Variants in FRK observed in about 807,000 individuals in gnomAD.
FRK encodes the protein tyrosine-protein kinase FRK.
FRK carries 51 observed loss-of-function variants against 56.4 expected under a neutral mutation model. The observed-to-expected ratio is 0.90, with a 90% CI of 0.72 to 1.14. The LOEUF is 1.14. Among genes scored for constraint, FRK ranks in the 50% most tolerant of loss-of-function variants. The pLI is 0.00. For missense variants in FRK, 570 were observed against 601.4 expected, an observed-to-expected ratio of 0.95 and a Z score of 0.55; for synonymous variants, 245 against 217.9, an observed-to-expected ratio of 1.12 and a Z score of -1.10.
chr6:116,066,671 C>T, the FRK span, among the ~76,000 whole-genome samples: 2 of 152,180 alleles, frequency 1.3e-5, no homozygotes, highest in African/African-American at 4.8e-5. Context: ...CATCTGGCAC[C>T]ACTCTTCTGG....
chr6:116,094,905 A>T, the FRK span, among the ~76,000 whole-genome samples: 1 of 152,242 alleles, frequency 6.6e-6, no homozygotes, highest in South Asian at 2.1e-4. Flanking sequence ...AGAAAGAAAG[A>T]GAGATGGAAG....
chr6:115,944,106 T>G (rs1189818487), intron 6 of FRK, 138 bp downstream of exon 6: 20 of 616,962 alleles, frequency 3.2e-5, no homozygotes, highest in Non-Finnish European at 2.7e-6. Context: ...TTTGTAAGGC[T>G]TTGGACTACT....
Position 116,060,040 on chromosome 6 carries a change from C to G in FRK, c.272G>C (p.Gly91Ala), listed in dbSNP as rs1777561902. 6.2e-7 allele frequency: 1 copy of G among 1,614,060 alleles called. No homozygotes were observed. Among genetic ancestry groups the G allele is most frequent in the African/African-American group, 1.3e-5 (1 of 74,916 alleles). Reference protein sequence around the residue: ...FARHLEKRRDGSSQQLQGYIP... With the variant: ...FARHLEKRRDASSQQLQGYIP... ...ATAGCCTTGTAGTTGCTGACTGGAG[C>G]CATCTCGTCTTTTCTCCAAGTGTCT... The change falls in exon 1 of 8, where the codon GGC becomes GCC. Residue 91 changes from glycine to alanine, a missense_variant. Gly to Ala is a moderately conservative substitution (Grantham distance 60). Transcript: ENST00000606080.
chr6:116,012,624 A>G (rs921484770), intron 1 of FRK, among the ~76,000 whole-genome samples: 2 of 152,208 alleles, frequency 1.3e-5, no homozygotes, highest in African/African-American at 4.8e-5. Flanking sequence ...GCTGTTAAAT[A>G]AATACTTGTT....
intron 5 of FRK, among the ~76,000 whole-genome samples, chr6:115,947,307 A>C (rs1473883566): frequency 7.5e-6 from 1 of 133,060 alleles, no homozygotes; most frequent in Non-Finnish European, 1.6e-5. Flanking sequence ...TTTAAGGGAA[A>C]GACTTAAACA....
In FRK at chr6:115,976,432, G is replaced by A. The variant is rs145112637; in HGVS notation, c.467-7693C>T. Among the ~76,000 whole-genome samples the A allele has an allele frequency of 1.2e-3, 188 of 152,190 alleles. 1 individual carries two copies. Among genetic ancestry groups the A allele is most frequent in the African/African-American group, 3.2e-3 (133 of 41,532 alleles). On this transcript the variant is annotated intron_variant, in intron 2 of 7. Transcript: ENST00000606080. ...ATATAACATAAACATAAAGTCAGAG[G>A]CTGTGTCTGCAAGACACAAAGACGT... is the stretch of plus-strand genomic sequence containing the variant.
chr6:115,968,838 T>C (rs1773694512), intron 2 of FRK, 99 bp from the exon 3 acceptor site: 3 of 942,988 alleles, frequency 3.2e-6, no homozygotes, highest in African/African-American at 1.7e-5. Flanking sequence ...ATGAAATCTA[T>C]ATAAAATTAT....
chr6:116,058,273 C>G lies in FRK; in HGVS notation c.344+1695G>C, dbSNP rs117986046. Among the ~76,000 whole-genome samples the G allele has an allele frequency of 4.6e-3, 696 of 152,236 alleles. 3 individuals are homozygous for G. Among genetic ancestry groups the G allele is most frequent in the Non-Finnish European group, 7.1e-3 (485 of 68,012 alleles). On this transcript the variant is annotated intron_variant, in intron 1 of 7. Transcript: ENST00000606080. ...TATAAAGATATTTCCTGTAGATTATCACAGAAAGCAAATGTTCACACAGGT... is the reference window on the plus strand; with the variant it reads ...TATAAAGATATTTCCTGTAGATTATGACAGAAAGCAAATGTTCACACAGGT...
chr6:115,985,549 G>A (rs1488912681), intron 2 of FRK, among the ~76,000 whole-genome samples: 1 of 152,046 alleles, frequency 6.6e-6, no homozygotes, highest in Admixed American at 6.6e-5. Flanking sequence ...GAGTCAGATA[G>A]CCTGGCTATA....
Position 115,982,228 on chromosome 6 carries a change from C to T in FRK, c.467-13489G>A, listed in dbSNP as rs74636357. Among the ~76,000 whole-genome samples, 8 of 152,258 alleles carry T rather than the reference C, an allele frequency of 5.3e-5. No individual in the cohort carries two copies. The East Asian group carries it at 1.5e-3, about 29-fold the overall frequency. The stretch of plus-strand genomic sequence containing the variant: ...TTCCTGCACTTGTACATCACAGCTC[C>T]TGGTTCTCAAGCCTTTGAGTTCTAA... On this transcript the variant is annotated intron_variant, in intron 2 of 7. Transcript: ENST00000606080.
In FRK at chr6:115,956,686, T is replaced by C. The variant is rs1243636716; in HGVS notation, c.800-76A>G. The C allele has an allele frequency of 3.3e-6, 4 of 1,194,986 alleles. No individual in the cohort carries two copies. The African/African-American group carries it at 6.1e-5, about 18-fold the overall frequency. The allele number at this position is 1,194,986 out of a possible 1,614,324, so 74.0% of individuals were successfully genotyped here. On this transcript the variant is annotated intron_variant, in intron 4 of 7. Coordinates refer to ENST00000606080, the MANE Select transcript of FRK (RefSeq NM_002031.3). ...CCTCACAGCAGCCTGGTGGGAATCA[T>C]CAAGATTGCCTCCTGCTTCTCAGTA...
At chr6:115,952,773 G>A (rs1285668629) in intron 5 of FRK, among the ~76,000 whole-genome samples, 1 of 151,876 alleles carries the variant, frequency 6.6e-6, no homozygotes, top group East Asian at 1.9e-4. Flanking sequence ...TCCTTTGCAG[G>A]GACATGGATG....
intron 4 of FRK, among the ~76,000 whole-genome samples, chr6:115,960,216 G>A (rs1237489879): frequency 6.6e-6 from 1 of 151,104 alleles, no homozygotes; most frequent in East Asian, 2.0e-4. Flanking sequence ...AGCAGGGCGA[G>A]GCATTGCCTC....
At chr6:116,035,267 C>T (rs1013544464) in intron 1 of FRK, among the ~76,000 whole-genome samples, 2 of 151,916 alleles carry the variant, frequency 1.3e-5, no homozygotes, top group South Asian at 2.1e-4. Flanking sequence ...GAACTTAGTC[C>T]TGACAAATGA....
At chr6:116,025,270 C>G (rs894243489) in intron 1 of FRK, among the ~76,000 whole-genome samples, 2 of 152,134 alleles carry the variant, frequency 1.3e-5, no homozygotes, top group African/African-American at 4.8e-5. Flanking sequence ...AGCTCTAATT[C>G]TGGAATCCAG....
At chr6:116,012,835 T>C (rs536691564) in intron 1 of FRK, among the ~76,000 whole-genome samples, 59 of 152,316 alleles carry the variant, frequency 3.9e-4, no homozygotes, top group African/African-American at 1.4e-3. Flanking sequence ...TAATGTTAAT[T>C]GGCCTTAGAC....
intron 4 of FRK, among the ~76,000 whole-genome samples, chr6:115,959,964 TA>T (rs34994379): frequency 9.6e-5 from 14 of 146,398 alleles, no homozygotes; most frequent in South Asian, 2.2e-4. Flanking sequence ...TAAGTGAAAA[TA>T]AAAAAAAAAA....
chr6:116,041,961 G>T (rs549136667), intron 1 of FRK, among the ~76,000 whole-genome samples: 1 of 152,166 alleles, frequency 6.6e-6, no homozygotes, highest in Non-Finnish European at 1.5e-5. Context: ...TCAGCAGATC[G>T]CACCCCCACG....
At chr6:116,068,540 G>A in the FRK span, among the ~76,000 whole-genome samples, 20 of 152,188 alleles carry the variant, frequency 1.3e-4, no homozygotes, top group East Asian at 2.1e-3. Flanking sequence ...AGCTGAAACC[G>A]TTGAAGAACA....
Sources: gnomAD v4.1 joint callset for allele counts (sites outside exome capture counted in the v4.1 genomes callset) on GRCh38, gnomAD v4.1.1 for gene constraint, MANE v1.5 for transcripts, NCBI Gene and HGNC (gene_info 2026-07-23, HGNC 2026-07-21) for gene names.